The following PLCB1 variants were observed in gnomAD, a reference collection of about 807,000 sequenced individuals.
PLCB1 encodes the protein phospholipase C beta 1, also known as 1-phosphatidylinositol 4,5-bisphosphate phosphodiesterase beta-1.
In PLCB1, 46 loss-of-function variants were observed where a neutral mutation model predicts 161.8. That is an observed-to-expected ratio of 0.28 (90% CI 0.22 to 0.36). The LOEUF (loss-of-function observed/expected upper bound fraction) is 0.36. Among genes scored for constraint, PLCB1 ranks in the 10% least tolerant of loss-of-function variants. The probability of loss-of-function intolerance (pLI) is 1.00; values close to 1 mark genes in which losing one functional copy is unlikely to be tolerated. For synonymous variants in PLCB1, 517 were observed against 503.7 expected (o/e 1.03, Z -0.35); for missense variants, 1,016 against 1,472.5 (o/e 0.69, Z 5.07).
intron 31 of PLCB1, among the ~76,000 whole-genome samples, chr20:8,803,729 AT>A (rs144501705): frequency 6.6e-6 from 1 of 151,880 alleles, no homozygotes; most frequent in Non-Finnish European, 1.5e-5. Flanking sequence ...GCACCATTCG[AT>A]TTTTTTGTTG....
At chr20:8,183,480 TAAAC>T (rs1433928221) in intron 2 of PLCB1, among the ~76,000 whole-genome samples, 6 of 152,248 alleles carry the variant, frequency 3.9e-5, no homozygotes, top group Admixed American at 2.6e-4. Context: ...ATAAAAGAAA[TAAAC>T]AAACATAAGG....
At chr20:8,697,305 T>C (rs191104584) in intron 10 of PLCB1, among the ~76,000 whole-genome samples, 9 of 152,336 alleles carry the variant, frequency 5.9e-5, no homozygotes, top group East Asian at 3.9e-4. Flanking sequence ...TAAATAGTTA[T>C]GCCACAGAGA....
chr20:8,359,530 A>G (rs1986471782), intron 2 of PLCB1, among the ~76,000 whole-genome samples: 1 of 152,126 alleles, frequency 6.6e-6, no homozygotes, highest in African/African-American at 2.4e-5. Flanking sequence ...CATAGCTTTT[A>G]TTTATTTATT....
chr20:8,673,448 G>T (rs73078026), intron 9 of PLCB1, among the ~76,000 whole-genome samples: 2,283 of 152,288 alleles, frequency 0.015, 29 homozygotes, highest in Non-Finnish European at 0.022. Flanking sequence ...CTAGGCAGAG[G>T]TAGGGTGTAA....
At chr20:8,260,061 C>T (rs1403343220) in intron 2 of PLCB1, among the ~76,000 whole-genome samples, 1 of 151,854 alleles carries the variant, frequency 6.6e-6, no homozygotes. Context: ...AAGACTACTA[C>T]ATTCTTTTTC....
intron 3 of PLCB1, among the ~76,000 whole-genome samples, chr20:8,383,126 A>G (rs1184879733): frequency 1.3e-5 from 2 of 152,178 alleles, no homozygotes; most frequent in East Asian, 1.9e-4. Flanking sequence ...TAATATTGAC[A>G]GTGGGATGTT....
intron 2 of PLCB1, among the ~76,000 whole-genome samples, chr20:8,270,425 T>G (rs566815484): frequency 3.5e-4 from 53 of 152,322 alleles, no homozygotes; most frequent in African/African-American, 1.3e-3. Context: ...TCAAGGTTGA[T>G]GCTGATTGTT....
At chr20:8,864,914 A>G (rs1241099287) in intron 31 of PLCB1, among the ~76,000 whole-genome samples, 1 of 152,204 alleles carries the variant, frequency 6.6e-6, no homozygotes, top group African/African-American at 2.4e-5. Context: ...CGCCAGAATT[A>G]TATATGTCAG....
chr20:8,251,079 A>C (rs1291012770), intron 2 of PLCB1, among the ~76,000 whole-genome samples: 1 of 151,942 alleles, frequency 6.6e-6, no homozygotes, highest in African/African-American at 2.4e-5. Context: ...AGTGTCTGGT[A>C]GTGGTCTGTT....
intron 3 of PLCB1, among the ~76,000 whole-genome samples, chr20:8,541,574 A>AAGAAAGAAAGAAAGAAAGAG (rs1985322489): frequency 2.7e-5 from 4 of 149,174 alleles, no homozygotes; most frequent in Non-Finnish European, 6.0e-5. Context: ...GAAAGAAAGA[A>AAGAAAGAAAGAAAGAAAGAG]AGAAAGAAAG....
chr20:8,415,876 A>G (rs1455066266), intron 3 of PLCB1, among the ~76,000 whole-genome samples: 1 of 152,214 alleles, frequency 6.6e-6, no homozygotes, highest in Non-Finnish European at 1.5e-5. Context: ...AAAGTCTGCT[A>G]GTGGTCAGTT....
intron 3 of PLCB1, among the ~76,000 whole-genome samples, chr20:8,531,874 A>C (rs573494411): frequency 1.4e-4 from 21 of 152,240 alleles, no homozygotes; most frequent in Admixed American, 1.2e-3. Flanking sequence ...AATTTTTTTC[A>C]AGCAGAAATA....
chr20:8,824,487 A>G (rs1377947798), intron 31 of PLCB1, among the ~76,000 whole-genome samples: 1 of 152,178 alleles, frequency 6.6e-6, no homozygotes, highest in Non-Finnish European at 1.5e-5. Context: ...TGGCAGGAGA[A>G]ATTCAGGAGA....
At chr20:8,619,834 A>G (rs907656731) in intron 3 of PLCB1, among the ~76,000 whole-genome samples, 4 of 152,228 alleles carry the variant, frequency 2.6e-5, no homozygotes, top group Non-Finnish European at 5.9e-5. Flanking sequence ...CCATGAATAT[A>G]TTCCTAAATG....
At chr20:8,635,101 A>G (rs889278344) in intron 4 of PLCB1, among the ~76,000 whole-genome samples, 1 of 152,124 alleles carries the variant, frequency 6.6e-6, no homozygotes, top group South Asian at 2.1e-4. Context: ...CATATTTTCA[A>G]TTACAGTCAT....
At chr20:8,171,099 G>A (rs1236301248) in intron 2 of PLCB1, among the ~76,000 whole-genome samples, 11 of 152,022 alleles carry the variant, frequency 7.2e-5, no homozygotes, top group Admixed American at 7.2e-4. Context: ...TCTGATTTTA[G>A]ATAGAGTTTA....
chr20:8,241,476 T>A (rs1211773132), intron 2 of PLCB1, among the ~76,000 whole-genome samples: 1 of 151,952 alleles, frequency 6.6e-6, no homozygotes, highest in Non-Finnish European at 1.5e-5. Context: ...CTATTATGTC[T>A]TTGTAGTCAC....
chr20:8,845,764 A>C (rs1169641642), intron 31 of PLCB1, among the ~76,000 whole-genome samples: 1 of 152,232 alleles, frequency 6.6e-6, no homozygotes, highest in Non-Finnish European at 1.5e-5. Flanking sequence ...AAAAAAAGAA[A>C]ATCACTAAGC....
intron 2 of PLCB1, among the ~76,000 whole-genome samples, chr20:8,213,273 C>G (rs1413134591): frequency 2.0e-5 from 3 of 152,168 alleles, no homozygotes; most frequent in Non-Finnish European, 4.4e-5. Flanking sequence ...AATGCCTGTG[C>G]TTTTCCAAAA....
Sources: allele counts gnomAD v4.1 joint callset (sites outside exome capture counted in the v4.1 genomes callset), GRCh38; gene constraint gnomAD v4.1.1; transcripts MANE v1.5; gene names NCBI Gene and HGNC (gene_info 2026-07-23, HGNC 2026-07-21).